KRIT1: variants seen among roughly 807,000 people sequenced by gnomAD.
KRIT1 encodes the protein krev interaction trapped protein 1.
A neutral mutation model predicts 95.8 loss-of-function variants in KRIT1; 45 were observed. That is an observed-to-expected ratio of 0.47 (90% CI 0.37 to 0.60). The LOEUF (loss-of-function observed/expected upper bound fraction) is 0.60, where lower values mean the gene tolerates loss of function less well. Among genes scored for constraint, KRIT1 ranks in the 20% least tolerant of loss-of-function variants. The pLI, the probability that KRIT1 is intolerant of heterozygous loss-of-function variation, is 0.00. For missense variants in KRIT1, 788 were observed against 877.5 expected (o/e 0.90, Z 1.29); for synonymous variants, 282 against 278.8 (o/e 1.01, Z -0.11).
In KRIT1 at chr7:92,244,890, G is replaced by A. The variant is rs1312045018; in HGVS notation, c.-151+12C>T. 6.6e-6 allele frequency: 1 copy of A among 152,114 alleles called. No individual in the cohort carries two copies. Among genetic ancestry groups the A allele is most frequent in the Admixed American group, 6.5e-5 (1 of 15,270 alleles). 9.4% of individuals were successfully genotyped at this position (152,114 alleles called of 1,614,324 possible). A position where few individuals can be genotyped will look rare whatever the true frequency, so the allele number is the denominator to read the frequency against. ...AGTGGAAGTGGTCCTTAATTAGGGG[G>A]GTGGCACCTACCTGGGATCACTGGA... On this transcript the variant is annotated intron_variant, in intron 2 of 18. Coordinates refer to ENST00000394505, the MANE Select transcript of KRIT1 (RefSeq NM_194454.3).
chr7:92,214,827 A>G (rs1180958993), intron 14 of KRIT1, 50 bp from the exon 15 acceptor site: 2 of 1,261,540 alleles, frequency 1.6e-6, no homozygotes, highest in African/African-American at 1.5e-5. Flanking sequence ...TTCTTTTTAC[A>G]AATGAACAAC....
At chr7:92,203,011 T>C (rs1382485004) in intron 17 of KRIT1, among the ~76,000 whole-genome samples, 1 of 152,192 alleles carries the variant, frequency 6.6e-6, no homozygotes, top group South Asian at 2.1e-4. Flanking sequence ...TCCATTAATA[T>C]GGCTTCAAAA....
rs893225424 is a variant in KRIT1, at chr7:92,213,836, T to C, written c.1818+56A>G. 1.8e-5 allele frequency: 18 copies of C among 1,004,742 alleles called. No individual in the cohort carries two copies. In the African/African-American group the frequency reaches 2.4e-4, roughly 13 times the overall value. 62.2% of individuals were successfully genotyped at this position (1,004,742 alleles called of 1,614,324 possible). On this transcript the variant is annotated intron_variant, in intron 16 of 18. Coordinates refer to ENST00000394505, the MANE Select transcript of KRIT1 (RefSeq NM_194454.3). ...CCTCTGTTTAAAATATTTATAACAC[T>C]AACAAAGTTTCAACTAGCCTATAAA...
In KRIT1 at chr7:92,231,891, A is replaced by G. The variant is rs1225151151; in HGVS notation, c.989+2558T>C. On this transcript the variant is annotated intron_variant, in intron 10 of 18. Transcript: ENST00000394505. The stretch of plus-strand genomic sequence containing the variant: ...AAAATATTACAGATTAATAAATTTT[A>G]GATTCAGACATCAAAATCTTTACAT... Among the ~76,000 whole-genome samples, 3 of 152,228 alleles carry G rather than the reference A, an allele frequency of 2.0e-5. No homozygotes were observed. The East Asian group carries it at 5.8e-4, about 29-fold the overall frequency.
upstream of KRIT1, chr7:92,245,936 C>T (rs1039094661): frequency 4.0e-6 from 1 of 247,456 alleles, no homozygotes; most frequent in African/African-American, 2.4e-5. Flanking sequence ...CGGGTTCACA[C>T]CCTTTGCAGC....
chr7:92,221,756 T>C (rs1323894586), intron 14 of KRIT1, 146 bp downstream of exon 14: 10 of 683,388 alleles, frequency 1.5e-5, no homozygotes, highest in Middle Eastern at 3.9e-4. Flanking sequence ...GCTTTGTAAG[T>C]AGATCAACTG....
chr7:92,213,539 G>A, intron 16 of KRIT1, 138 bp from the exon 17 acceptor site: 1 of 640,058 alleles, frequency 1.6e-6, no homozygotes, highest in Non-Finnish European at 2.7e-6. Context: ...CATTGTATCA[G>A]GAGTACTTTT....
At position 92,200,521 on chromosome 7, in the gene KRIT1, T is replaced by C. The variant is rs552663539; in HGVS notation, c.*215A>G. ...GGCGCCCGCCACCACACCCAGCTAA[T>C]TTTTGTATTTTTGTAGAGACAGGGT... On this transcript the variant is annotated 3_prime_UTR_variant, in exon 19 of 19. Transcript: ENST00000394505. 278 of 507,384 alleles carry C rather than the reference T, an allele frequency of 5.5e-4. 1 individual carries two copies. Among genetic ancestry groups the C allele is most frequent in the African/African-American group, 4.8e-3 (245 of 51,414 alleles). The allele number at this position is 507,384 out of a possible 1,614,324, so 31.4% of individuals were successfully genotyped here.
intron 3 of KRIT1, among the ~76,000 whole-genome samples, chr7:92,242,640 T>C (rs528465348): frequency 1.4e-4 from 21 of 152,342 alleles, no homozygotes; most frequent in African/African-American, 5.1e-4. Context: ...ACTCCAGAAC[T>C]TTCAGCAAGG....
In KRIT1 at chr7:92,241,111, C is replaced by CT. The variant is rs776245507; in HGVS notation, c.143dup (p.Arg49GlufsTer15). 1.1e-5 allele frequency: 18 copies of CT among 1,609,786 alleles called. No individual in the cohort carries two copies. Among genetic ancestry groups the CT allele is most frequent in the Admixed American group, 1.7e-5 (1 of 59,904 alleles). Reference sequence around the variant, plus strand: ...TCGTTTCCAATAAAACTTTCTTTCTCTTTTTTTTCTGTCCTTCAATGGGAA... The same window carrying CT: ...TCGTTTCCAATAAAACTTTCTTTCTCTTTTTTTTTCTGTCCTTCAATGGGAA... On this transcript the variant is annotated frameshift_variant, in exon 5 of 19. Coordinates refer to ENST00000394505, the MANE Select transcript of KRIT1 (RefSeq NM_194454.3). LOFTEE classifies it high-confidence loss of function.
chr7:92,231,226 TG>T (rs1797222617), intron 10 of KRIT1, among the ~76,000 whole-genome samples: 1 of 152,178 alleles, frequency 6.6e-6, no homozygotes, highest in African/African-American at 2.4e-5. Context: ...TTAAATATTT[TG>T]GGAAAATGAT....
chr7:92,233,323 T>C (rs1010831821), intron 10 of KRIT1, among the ~76,000 whole-genome samples: 39 of 151,962 alleles, frequency 2.6e-4, no homozygotes, highest in African/African-American at 8.7e-4. Context: ...TAAGCTGAGA[T>C]GCAGAGAGGT....
Position 92,242,268 on chromosome 7 carries a change from AAT to A in KRIT1, c.-2-133_-2-132del, listed in dbSNP as rs1279747567. ...AATCATGTCGAAAAAATTAAAAAAA[AAT>A]AAAATGTTCTCTATCCTAGAATATA... On this transcript the variant is annotated intron_variant, in intron 3 of 18. Transcript: ENST00000394505. 1.3e-5 allele frequency: 9 copies of A among 667,148 alleles called. No homozygotes were observed. In the African/African-American group the frequency reaches 1.5e-4, roughly 11 times the overall value. The allele number at this position is 667,148 out of a possible 1,614,324, so 41.3% of individuals were successfully genotyped here. A position where few individuals can be genotyped will look rare whatever the true frequency, so the allele number is the denominator to read the frequency against.
intron 4 of KRIT1, among the ~76,000 whole-genome samples, chr7:92,241,551 T>C (rs1380979837): frequency 2.0e-5 from 3 of 152,060 alleles, no homozygotes; most frequent in Non-Finnish European, 4.4e-5. Flanking sequence ...ACAAGTTATA[T>C]ATATGTATAT....
chr7:92,233,173 C>G (rs917745041), intron 10 of KRIT1, among the ~76,000 whole-genome samples: 1 of 151,138 alleles, frequency 6.6e-6, no homozygotes, highest in Non-Finnish European at 1.5e-5. Flanking sequence ...CACACACACA[C>G]ACACACACAC....
chr7:92,201,697 C>T (rs185289442), intron 17 of KRIT1: 9 of 358,448 alleles, frequency 2.5e-5, no homozygotes, highest in African/African-American at 1.5e-4. Context: ...CCCCCTACCC[C>T]CTGAGAGACC....
At chr7:92,202,519 T>A (rs1172189092) in intron 17 of KRIT1, among the ~76,000 whole-genome samples, 2 of 152,230 alleles carry the variant, frequency 1.3e-5, no homozygotes, top group African/African-American at 4.8e-5. Context: ...TTCATGGCAT[T>A]TTTAAGATAC....
At position 92,203,831 on chromosome 7, in the gene KRIT1, T is replaced by TG. The variant is rs1790759471; in HGVS notation, c.2026-2409dup. ...GCAGAGGAAAAATTTCTTGAAATGG[T>TG]GGGGGGCATTTCTCCTTCATTTCCT... On this transcript the variant is annotated intron_variant, in intron 17 of 18. Transcript: ENST00000394505. Among the ~76,000 whole-genome samples the TG allele has an allele frequency of 2.0e-5, 3 of 152,146 alleles. No homozygotes were observed. In the South Asian group the frequency reaches 6.2e-4, roughly 32 times the overall value.
At chr7:92,219,867 G>C (rs1188401848) in intron 14 of KRIT1, among the ~76,000 whole-genome samples, 1 of 152,110 alleles carries the variant, frequency 6.6e-6, no homozygotes, top group African/African-American at 2.4e-5. Context: ...ATTTATTCCT[G>C]GGTGTTTTAT....
Sources: gnomAD v4.1 joint callset for allele counts (sites outside exome capture counted in the v4.1 genomes callset) on GRCh38, gnomAD v4.1.1 for gene constraint, MANE v1.5 for transcripts, NCBI Gene and HGNC (gene_info 2026-07-23, HGNC 2026-07-21) for gene names.